The following EML4 variants were observed in gnomAD, a reference collection of about 807,000 sequenced individuals.
The protein encoded by EML4 is echinoderm microtubule-associated protein-like 4.
A neutral mutation model predicts 129.0 loss-of-function variants in EML4; 72 were observed. That is an observed-to-expected ratio of 0.56 (90% CI 0.46 to 0.68). The LOEUF is 0.68. Among genes scored for constraint, EML4 ranks in the 30% least tolerant of loss-of-function variants. The pLI is 0.00. For missense variants in EML4, 1,363 were observed against 1,190.6 expected (o/e 1.14, Z -2.13); for synonymous variants, 532 against 405.0 (o/e 1.31, Z -3.77).
intron 3 of EML4, among the ~76,000 whole-genome samples, chr2:42,257,922 A>G (rs900720727): frequency 2.0e-5 from 3 of 152,186 alleles, no homozygotes; most frequent in African/African-American, 7.2e-5. Flanking sequence ...AAAGGATGCT[A>G]AACTTTATTA....
chr2:42,217,864 A>G lies in EML4; in HGVS notation c.26-27641A>G, dbSNP rs147326307. Among the ~76,000 whole-genome samples the G allele has an allele frequency of 7.2e-3, 1,094 of 152,346 alleles. 15 individuals are homozygous for G. Among genetic ancestry groups the G allele is most frequent in the African/African-American group, 0.025 (1,039 of 41,592 alleles). On this transcript the variant is annotated intron_variant, in intron 1 of 22. Coordinates refer to ENST00000318522, the MANE Select transcript of EML4 (RefSeq NM_019063.5). ...TATGTAGATTTACTTCTAAATATGT[A>G]GAAGACATGGGGAATTTGATCTGGG...
At chr2:42,210,127 A>G (rs143903932) in intron 1 of EML4, among the ~76,000 whole-genome samples, 1,561 of 152,230 alleles carry the variant, frequency 0.01, 29 homozygotes, top group African/African-American at 0.036. Flanking sequence ...ACTAAAATCC[A>G]TAGTTTATTA....
chr2:42,290,988 A>G (rs905050321), intron 11 of EML4, among the ~76,000 whole-genome samples: 2 of 152,198 alleles, frequency 1.3e-5, no homozygotes, highest in African/African-American at 4.8e-5. Context: ...AAGAAAAAGA[A>G]TAAGGTCAAA....
rs775471127 is a variant in EML4 at position 42,169,646 on chromosome 2, G to T, written c.25+10G>T. The T allele has an allele frequency of 5.0e-6, 8 of 1,601,636 alleles. No individual in the cohort carries two copies. In the Admixed American group the frequency reaches 1.2e-4, roughly 24 times the overall value. ...TTCGCCGGCAGTCTCGGTGAGTACG[G>T]CTGGGGAGTCCTGCGTCTTCTGCGA... On this transcript the variant is annotated intron_variant, in intron 1 of 22. Coordinates refer to ENST00000318522, the MANE Select transcript of EML4 (RefSeq NM_019063.5).
At position 42,242,695 on chromosome 2, in the gene EML4, CTCT is replaced by C. The variant is rs1315367011; in HGVS notation, c.26-2808_26-2806del. Reference sequence around the variant, plus strand: ...CCTCCCTCCCTTCCTTCCCTTTTTTCTCTTTTCTTTTCTTTCCTTTTCTTTTCT... The same window carrying C: ...CCTCCCTCCCTTCCTTCCCTTTTTTCTTTCTTTTCTTTCCTTTTCTTTTCT... On this transcript the variant is annotated intron_variant, in intron 1 of 22. Coordinates refer to ENST00000318522, the MANE Select transcript of EML4 (RefSeq NM_019063.5). Among the ~76,000 whole-genome samples the C allele has an allele frequency of 2.0e-5, 3 of 150,858 alleles. No homozygotes were observed. The East Asian group carries it at 5.8e-4, about 29-fold the overall frequency.
At chr2:42,201,773 C>T (rs751851404) in intron 1 of EML4, among the ~76,000 whole-genome samples, 18 of 152,014 alleles carry the variant, frequency 1.2e-4, no homozygotes, top group Non-Finnish European at 1.9e-4. Flanking sequence ...TATGTGGAAA[C>T]TGAAAAAAAG....
chr2:42,325,480 A>G lies in EML4; in HGVS notation c.2168A>G (p.Tyr723Cys), dbSNP rs2103828091. Residue 723 changes from tyrosine (Y) to cysteine (C), a missense_variant, in exon 20 of 23, where the codon TAC (tyrosine) becomes TGC (cysteine). Transcript: ENST00000318522. ...GTTATTTTCTAGGGACATTCCAGCT[A>G]CATCACACACCTTGACTGGTCCCCA... ...RYGRCTGHSS[Y>C]ITHLDWSPDN... The G allele has an allele frequency of 6.4e-7, 1 of 1,559,518 alleles. No individual in the cohort carries two copies.
intron 1 of EML4, among the ~76,000 whole-genome samples, chr2:42,202,304 G>A (rs1672280836): frequency 6.6e-6 from 1 of 152,036 alleles, no homozygotes; most frequent in Non-Finnish European, 1.5e-5. Context: ...GCTTTGGGAG[G>A]CCAAGGTAGA....
At position 42,300,385 on chromosome 2, in the gene EML4, G is replaced by T. The variant is rs1470299781; in HGVS notation, c.1490-856G>T. Among the ~76,000 whole-genome samples the T allele has an allele frequency of 2.6e-5, 4 of 152,102 alleles. No homozygotes were observed. In the East Asian group the frequency reaches 7.7e-4, roughly 29 times the overall value. ...ATCATCTTATTCTCACCCTTAAAAGGGGGCAAAATATAATTTAAAAAACCA... is the reference window on the plus strand; with the variant it reads ...ATCATCTTATTCTCACCCTTAAAAGTGGGCAAAATATAATTTAAAAAACCA... On this transcript the variant is annotated intron_variant, in intron 13 of 22. Transcript: ENST00000318522.
intron 2 of EML4, among the ~76,000 whole-genome samples, chr2:42,247,460 C>T (rs1307164915): frequency 6.6e-6 from 1 of 152,014 alleles, no homozygotes; most frequent in African/African-American, 2.4e-5. Context: ...TTGTGATTCC[C>T]ACTCTTTTCC....
At chr2:42,231,572 C>T (rs1464361236) in intron 1 of EML4, among the ~76,000 whole-genome samples, 1 of 152,110 alleles carries the variant, frequency 6.6e-6, no homozygotes, top group Non-Finnish European at 1.5e-5. Flanking sequence ...AATAGAAAAA[C>T]AGGGATCTTC....
At chr2:42,325,216 C>G (rs1429328575) in intron 19 of EML4, 1 of 566,954 alleles carries the variant, frequency 1.8e-6, no homozygotes, top group South Asian at 1.4e-5. Context: ...AAGAGACTGT[C>G]TTTCTTGGAA....
intron 6 of EML4, among the ~76,000 whole-genome samples, chr2:42,272,960 G>C (rs915379843): frequency 6.6e-6 from 1 of 152,126 alleles, no homozygotes; most frequent in Non-Finnish European, 1.5e-5. Flanking sequence ...CATTAATCCT[G>C]TTTAATCAGA....
Position 42,330,092 on chromosome 2 carries a change from A to G in EML4, c.2831A>G (p.Glu944Gly), listed in dbSNP as rs2103851710. Residue 944 changes from glutamate to glycine, a missense_variant, in exon 23 of 23, where the codon GAG becomes GGG. Physicochemically the swap from Glu to Gly is moderately conservative, Grantham distance 98 (BLOSUM62 -2). Transcript: ENST00000318522. ...SEDHSEEESE[E>G]GSGDLGEPLY... ...GACCACAGCGAGGAGGAGAGTGAAG[A>G]GGGCAGCGGAGACCTTGGTGAGCCT... 6.2e-7 allele frequency: 1 copy of G among 1,612,956 alleles called. No individual in the cohort carries two copies.
chr2:42,274,881 G>A (rs948502524), intron 6 of EML4, among the ~76,000 whole-genome samples: 3 of 152,168 alleles, frequency 2.0e-5, no homozygotes, highest in Admixed American at 6.6e-5. Flanking sequence ...GCAACATCAA[G>A]TATTTCAATT....
Position 42,329,959 on chromosome 2 carries a change from C to G in EML4, c.2698C>G (p.Pro900Ala). Residue 900 changes from proline to alanine, a missense_variant, in exon 23 of 23, where the codon CCG becomes GCG. Pro to Ala is a conservative substitution (Grantham distance 27, BLOSUM62 -1). Transcript: ENST00000318522. ...ESVIQSNTPT[P>A]PPSQPLNETA... is the part of the protein sequence containing the mutation. ...TGTCATCCAATCTAATACTCCCACACCGCCTCCTTCTCAGCCCTTAAATGA... is the reference window on the plus strand; with the variant it reads ...TGTCATCCAATCTAATACTCCCACAGCGCCTCCTTCTCAGCCCTTAAATGA... 1 of 1,614,008 alleles carries G rather than the reference C, an allele frequency of 6.2e-7. No homozygotes were observed. The highest frequency in any genetic ancestry group is 1.3e-5 in the African/African-American group (1 of 74,964).
At chr2:42,173,420 G>A (rs1235685640) in intron 1 of EML4, among the ~76,000 whole-genome samples, 1 of 152,150 alleles carries the variant, frequency 6.6e-6, no homozygotes, top group Non-Finnish European at 1.5e-5. Flanking sequence ...TTCAACATGA[G>A]TTAGCTAGAG....
intron 11 of EML4, among the ~76,000 whole-genome samples, chr2:42,290,480 A>C (rs1667575883): frequency 6.6e-6 from 1 of 151,836 alleles, no homozygotes; most frequent in Non-Finnish European, 1.5e-5. Flanking sequence ...TAATCCGAGT[A>C]CTTTGGGAGG....
At chr2:42,211,060 G>A (rs983333630) in intron 1 of EML4, among the ~76,000 whole-genome samples, 1 of 152,152 alleles carries the variant, frequency 6.6e-6, no homozygotes, top group Non-Finnish European at 1.5e-5. Context: ...GGAGCATCCT[G>A]TCTCCTTTGC....
Sources: allele counts gnomAD v4.1 joint callset (sites outside exome capture counted in the v4.1 genomes callset), GRCh38; gene constraint gnomAD v4.1.1; transcripts MANE v1.5; gene names NCBI Gene and HGNC (gene_info 2026-07-23, HGNC 2026-07-21).